The following IGSF11 variants were observed in gnomAD, a reference collection of about 807,000 sequenced individuals.
The protein encoded by IGSF11 is CXADR like 1.
IGSF11 carries 22 observed loss-of-function variants against 41.0 expected under a neutral mutation model. That is an observed-to-expected ratio of 0.54 (90% CI 0.38 to 0.77). The LOEUF (loss-of-function observed/expected upper bound fraction) is 0.77, where lower values mean the gene tolerates loss of function less well. Among genes scored for constraint, IGSF11 ranks in the 30% least tolerant of loss-of-function variants. The pLI is 0.00. For synonymous variants in IGSF11, 219 were observed against 201.3 expected, an observed-to-expected ratio of 1.09 and a Z score of -0.74; for missense variants, 444 against 530.8, an observed-to-expected ratio of 0.84 and a Z score of 1.61.
intron 1 of IGSF11, among the ~76,000 whole-genome samples, chr3:119,084,927 A>T (rs1206540815): frequency 6.6e-6 from 1 of 152,140 alleles, no homozygotes; most frequent in Non-Finnish European, 1.5e-5. Flanking sequence ...CATTCTCAGA[A>T]AGCTGAGAGG....
intron 1 of IGSF11, among the ~76,000 whole-genome samples, chr3:119,026,763 G>C (rs376887251): frequency 6.6e-6 from 1 of 152,160 alleles, no homozygotes; most frequent in Non-Finnish European, 1.5e-5. Flanking sequence ...CCAAAGTAAG[G>C]CATTGGTGCA....
chr3:119,117,803 A>G (rs1427310149), intron 1 of IGSF11, among the ~76,000 whole-genome samples: 1 of 152,236 alleles, frequency 6.6e-6, no homozygotes, highest in Non-Finnish European at 1.5e-5. Flanking sequence ...CAATGAGGGT[A>G]CAGGAATTGG....
chr3:118,924,910 AAT>A (rs1559905349), intron 4 of IGSF11, among the ~76,000 whole-genome samples: 1 of 152,180 alleles, frequency 6.6e-6, no homozygotes, highest in Non-Finnish European at 1.5e-5. Flanking sequence ...CTAAAATTTG[AAT>A]ATAGTTTTCA....
intron 1 of IGSF11, among the ~76,000 whole-genome samples, chr3:119,122,992 G>T (rs2107531301): frequency 6.6e-6 from 1 of 152,324 alleles, no homozygotes; most frequent in East Asian, 1.9e-4. Context: ...ACTTTGGCTT[G>T]CATCTTAGGT....
intron 1 of IGSF11, among the ~76,000 whole-genome samples, chr3:119,061,158 A>G (rs941443721): frequency 6.6e-6 from 1 of 152,166 alleles, no homozygotes; most frequent in African/African-American, 2.4e-5. Context: ...ATCAATATAT[A>G]TCTAATCATT....
chr3:118,960,100 G>A lies in IGSF11; in HGVS notation c.53-29825C>T, dbSNP rs112194128. The stretch of plus-strand genomic sequence containing the variant: ...GTCGAACAAAAAGGTTATACACCCA[G>A]GTAATAATGTGGCTCAGTCCTTAAA... On this transcript the variant is annotated intron_variant, in intron 1 of 6. Transcript: ENST00000393775. 8.4e-3 allele frequency among the ~76,000 whole-genome samples: 1,273 copies of A among 151,496 alleles called. 26 individuals carry two copies. Among genetic ancestry groups the A allele is most frequent in the African/African-American group, 0.029 (1,219 of 41,326 alleles).
At chr3:119,045,868 C>T (rs1235019367) in intron 1 of IGSF11, among the ~76,000 whole-genome samples, 1 of 151,960 alleles carries the variant, frequency 6.6e-6, no homozygotes, top group African/African-American at 2.4e-5. Flanking sequence ...TGGGAGGCAC[C>T]CCCCAGCAGG....
rs28841302 is a variant in IGSF11 at position 118,916,507 on chromosome 3, T to A, written c.580+9594A>T. The stretch of plus-strand genomic sequence containing the variant: ...AACCAACAAAGATCAAAAGAGACAA[T>A]GAAGGCCATTACATAATGGTAAAGG... On this transcript the variant is annotated intron_variant, in intron 4 of 6. Coordinates refer to ENST00000393775, the MANE Select transcript of IGSF11 (RefSeq NM_001015887.3). Among the ~76,000 whole-genome samples the A allele has an allele frequency of 5.3e-3, 795 of 149,402 alleles. 7 individuals are homozygous for A. The highest frequency in any genetic ancestry group is 0.031 in the East Asian group (152 of 4,842).
At chr3:119,053,669 T>G (rs1941714055) in intron 1 of IGSF11, among the ~76,000 whole-genome samples, 1 of 152,042 alleles carries the variant, frequency 6.6e-6, no homozygotes, top group Non-Finnish European at 1.5e-5. Context: ...AAAATAATCC[T>G]AAAATTTGTA....
intron 1 of IGSF11, among the ~76,000 whole-genome samples, chr3:119,063,223 G>A (rs1942108566): frequency 6.6e-6 from 1 of 152,122 alleles, no homozygotes; most frequent in Non-Finnish European, 1.5e-5. Flanking sequence ...GAGAGGGTCT[G>A]AGTTCTGAAT....
intron 1 of IGSF11, among the ~76,000 whole-genome samples, chr3:118,937,929 A>G (rs553690922): frequency 6.6e-6 from 1 of 152,176 alleles, no homozygotes; most frequent in African/African-American, 2.4e-5. Flanking sequence ...GACCATCCCA[A>G]GGGCAAAGAG....
chr3:118,934,220 A>G (rs1286129899), intron 1 of IGSF11, among the ~76,000 whole-genome samples: 1 of 152,030 alleles, frequency 6.6e-6, no homozygotes, highest in African/African-American at 2.4e-5. Flanking sequence ...CTTAAAAACA[A>G]TTTTCCCTAG....
rs1329132770 is a variant in IGSF11, at chr3:118,915,268, C to T, written c.581-9550G>A. Among the ~76,000 whole-genome samples, 5 of 140,686 alleles carry T rather than the reference C, an allele frequency of 3.6e-5. 1 individual carries two copies. The highest frequency in any genetic ancestry group is 7.6e-5 in the Non-Finnish European group (5 of 66,184). The allele number at this position is 140,686 out of a possible 152,430, so 92.3% of individuals were successfully genotyped here. A position where few individuals can be genotyped will look rare whatever the true frequency, so the allele number is the denominator to read the frequency against. Reference sequence around the variant, plus strand: ...AAAGCTGGATGGAGAAAGATTTTGACGAGCTGAGAGAAGAAGGCTTCAGAC... The same window carrying T: ...AAAGCTGGATGGAGAAAGATTTTGATGAGCTGAGAGAAGAAGGCTTCAGAC... On this transcript the variant is annotated intron_variant, in intron 4 of 6. Transcript: ENST00000393775.
chr3:118,949,162 A>G (rs1944393047), intron 1 of IGSF11: 1 of 152,146 alleles, frequency 6.6e-6, no homozygotes, highest in African/African-American at 2.4e-5. Context: ...GAGAGTCCAC[A>G]GAAAATGTCA....
At chr3:119,119,141 A>G (rs987274746) in intron 1 of IGSF11, among the ~76,000 whole-genome samples, 3 of 152,204 alleles carry the variant, frequency 2.0e-5, no homozygotes, top group Non-Finnish European at 1.5e-5. Context: ...ATTTTTGGGT[A>G]TCTTTTCAGC....
intron 1 of IGSF11, among the ~76,000 whole-genome samples, chr3:119,092,755 T>C (rs1049656741): frequency 2.0e-5 from 3 of 152,242 alleles, no homozygotes; most frequent in Non-Finnish European, 2.9e-5. Flanking sequence ...TCATGTTAAG[T>C]GCCCTATACA....
chr3:119,054,447 A>C (rs1045171508), intron 1 of IGSF11, among the ~76,000 whole-genome samples: 14 of 152,210 alleles, frequency 9.2e-5, no homozygotes, highest in Non-Finnish European at 2.1e-4. Flanking sequence ...AACATCACTA[A>C]TTATTAAGAA....
chr3:119,056,840 T>C (rs1941860666), intron 1 of IGSF11, among the ~76,000 whole-genome samples: 1 of 152,282 alleles, frequency 6.6e-6, no homozygotes, highest in Admixed American at 6.5e-5. Flanking sequence ...ATCAACTTAA[T>C]CCAGCATATA....
At chr3:119,107,805 T>C (rs892041420), upstream of IGSF11, among the ~76,000 whole-genome samples, 21 of 151,564 alleles carry the variant, frequency 1.4e-4, no homozygotes, top group Admixed American at 2.0e-4. Flanking sequence ...TTTCTACATA[T>C]GGCTAGCCAG....
Sources: allele counts gnomAD v4.1 joint callset (sites outside exome capture counted in the v4.1 genomes callset), GRCh38; gene constraint gnomAD v4.1.1; transcripts MANE v1.5; gene names NCBI Gene and HGNC (gene_info 2026-07-23, HGNC 2026-07-21).